DIAPH1: variants seen among roughly 807,000 people sequenced by gnomAD.
The protein encoded by DIAPH1 is diaphanous related formin 1, also known as protein diaphanous homolog 1.
A neutral mutation model predicts 140.7 loss-of-function variants in DIAPH1; 46 were observed. That is an observed-to-expected ratio of 0.33 (90% CI 0.26 to 0.42). The LOEUF is 0.42. Among genes scored for constraint, DIAPH1 ranks in the 10% least tolerant of loss-of-function variants. DIAPH1 has a pLI of 1.00. For synonymous variants in DIAPH1, 565 were observed against 551.6 expected, an observed-to-expected ratio of 1.02 and a Z score of -0.34; for missense variants, 1,310 against 1,558.7, an observed-to-expected ratio of 0.84 and a Z score of 2.69.
intron 1 of DIAPH1, among the ~76,000 whole-genome samples, chr5:141,608,275 G>A (rs902607544): frequency 6.6e-6 from 1 of 152,186 alleles, no homozygotes; most frequent in African/African-American, 2.4e-5. Context: ...CTGCGCTCCA[G>A]CCTGGGCAAC....
intron 14 of DIAPH1, 46 bp from the exon 15 acceptor site, chr5:141,575,192 T>A (rs771633241): frequency 6.3e-7 from 1 of 1,597,880 alleles, no homozygotes; most frequent in Admixed American, 1.7e-5. Flanking sequence ...TCCATCTCAG[T>A]AAGAAGCACA....
rs1018683485 is a variant in DIAPH1 at position 141,555,302 on chromosome 5, T to C, written c.2482+16126A>G. On this transcript the variant is annotated intron_variant, in intron 18 of 27. Transcript: ENST00000389054. ...GAAACTGTGAGAAAGGTAAGACAGA[T>C]ATGGCTCTGGGCACCACCTATTTTA... Among the ~76,000 whole-genome samples, 3 of 152,236 alleles carry C rather than the reference T, an allele frequency of 2.0e-5. No homozygotes were observed. In the East Asian group the frequency reaches 5.8e-4, roughly 29 times the overall value.
chr5:141,591,695 GATATATATATATAT>G (rs56117502), intron 1 of DIAPH1, among the ~76,000 whole-genome samples: 1,976 of 86,322 alleles, frequency 0.023, 270 homozygotes, highest in African/African-American at 0.086. Context: ...GGGAGATGGG[GATATATATATATAT>G]ATATATATAT....
chr5:141,544,501 T>C (rs540220639), intron 18 of DIAPH1, among the ~76,000 whole-genome samples: 1 of 152,070 alleles, frequency 6.6e-6, no homozygotes, highest in South Asian at 2.1e-4. Flanking sequence ...CCAACACAGA[T>C]TAAAAAGTTA....
At chr5:141,586,831 G>C (rs1293021371) in intron 3 of DIAPH1, among the ~76,000 whole-genome samples, 1 of 152,148 alleles carries the variant, frequency 6.6e-6, no homozygotes, top group East Asian at 1.9e-4. Context: ...GACAGTGATC[G>C]GATGTTTCCA....
At chr5:141,602,032 A>G (rs2099900215) in intron 1 of DIAPH1, among the ~76,000 whole-genome samples, 1 of 152,198 alleles carries the variant, frequency 6.6e-6, no homozygotes, top group African/African-American at 2.4e-5. Flanking sequence ...CTACCTACCC[A>G]GAAAGAACAG....
intron 18 of DIAPH1, chr5:141,557,717 T>G (rs2099892849): frequency 6.6e-6 from 1 of 152,270 alleles, no homozygotes; most frequent in Non-Finnish European, 1.5e-5. Flanking sequence ...TAGCACTCTG[T>G]CACTGTTAGT....
chr5:141,576,103 G>A (rs1419453766), intron 14 of DIAPH1, 127 bp downstream of exon 14: 1 of 788,886 alleles, frequency 1.3e-6, no homozygotes, highest in East Asian at 2.5e-5. Flanking sequence ...TTTCCCCTGG[G>A]AACTACACTA....
At chr5:141,597,320 T>C (rs550773743) in intron 1 of DIAPH1, among the ~76,000 whole-genome samples, 4 of 152,254 alleles carry the variant, frequency 2.6e-5, no homozygotes, top group African/African-American at 4.8e-5. Flanking sequence ...CTGGGTTTCT[T>C]AACAATAATA....
At chr5:141,605,139 C>CT (rs2099900739) in intron 1 of DIAPH1, among the ~76,000 whole-genome samples, 1 of 152,048 alleles carries the variant, frequency 6.6e-6, no homozygotes, top group Non-Finnish European at 1.5e-5. Flanking sequence ...CTGTTTTACT[C>CT]TTTTTATATA....
Position 141,571,423 on chromosome 5 carries a change from C to T in DIAPH1, c.2482+5G>A, listed in dbSNP as rs200005150. The T allele has an allele frequency of 1.9e-6, 3 of 1,608,668 alleles. No individual in the cohort carries two copies. The East Asian group carries it at 6.7e-5, about 36-fold the overall frequency. On this transcript the variant is annotated splice_donor_5th_base_variant and intron_variant, in intron 18 of 27. Transcript: ENST00000389054. Reference sequence around the variant, plus strand: ...CCAAACTAAAAGGCTCTTTTGTATTCTTACCTTTGGAAGCTTCAGGAGCAA... The same window carrying T: ...CCAAACTAAAAGGCTCTTTTGTATTTTTACCTTTGGAAGCTTCAGGAGCAA...
intron 14 of DIAPH1, 65 bp downstream of exon 14, chr5:141,576,165 C>A: frequency 1.5e-6 from 2 of 1,329,006 alleles, no homozygotes; most frequent in South Asian, 1.2e-5. Context: ...TCTCATAGAT[C>A]AGGAAAATAA....
At chr5:141,550,074 A>G (rs2099891450) in intron 18 of DIAPH1, among the ~76,000 whole-genome samples, 1 of 152,208 alleles carries the variant, frequency 6.6e-6, no homozygotes, top group Non-Finnish European at 1.5e-5. Context: ...AGTTGCATTC[A>G]CATCAGACGA....
At chr5:141,592,112 T>C (rs921769842) in intron 1 of DIAPH1, among the ~76,000 whole-genome samples, 1 of 149,706 alleles carries the variant, frequency 6.7e-6, no homozygotes, top group Non-Finnish European at 1.5e-5. Context: ...AAAGAAAATT[T>C]AAAAAAAATT....
chr5:141,537,040 T>G (rs926747205), intron 18 of DIAPH1, among the ~76,000 whole-genome samples: 2 of 152,036 alleles, frequency 1.3e-5, no homozygotes, highest in Admixed American at 1.3e-4. Context: ...TGGTGGCACA[T>G]GCCTGTAGTC....
intron 26 of DIAPH1, 182 bp from the exon 27 acceptor site, chr5:141,524,411 C>A: frequency 3.0e-6 from 2 of 660,842 alleles, no homozygotes; most frequent in South Asian, 1.6e-5. Context: ...CTTGTATCTG[C>A]TAAAAAATGG....
intron 1 of DIAPH1, among the ~76,000 whole-genome samples, chr5:141,591,033 G>A (rs1332344370): frequency 6.6e-6 from 1 of 152,104 alleles, no homozygotes; most frequent in African/African-American, 2.4e-5. Context: ...GCTGCCCTAT[G>A]TTAAAATCAA....
chr5:141,604,003 T>C (rs947508119), intron 1 of DIAPH1, among the ~76,000 whole-genome samples: 5 of 152,144 alleles, frequency 3.3e-5, no homozygotes, highest in Non-Finnish European at 7.3e-5. Context: ...GGGCTGAGGA[T>C]GCTGCATTCC....
intron 20 of DIAPH1, 38 bp downstream of exon 20, chr5:141,529,565 A>G (rs763051134): frequency 5.9e-6 from 9 of 1,530,148 alleles, no homozygotes; most frequent in Non-Finnish European, 6.3e-6. Context: ...CCAGCGACAC[A>G]GAAGAGCCTG....
Sources: allele counts gnomAD v4.1 joint callset (sites outside exome capture counted in the v4.1 genomes callset), GRCh38; gene constraint gnomAD v4.1.1; transcripts MANE v1.5; gene names NCBI Gene and HGNC (gene_info 2026-07-23, HGNC 2026-07-21).